TBC1D5: variants seen among roughly 807,000 people sequenced by gnomAD.
TBC1D5 encodes TBC1 domain family, member 5.
A neutral mutation model predicts 100.3 loss-of-function variants in TBC1D5; 75 were observed. The observed-to-expected ratio is 0.75, with a 90% confidence interval of 0.62 to 0.91. The LOEUF is 0.91. Ranked by LOEUF, TBC1D5 falls within the 40% of genes least tolerant of loss-of-function variation. The pLI, the probability that TBC1D5 is intolerant of heterozygous loss-of-function variation, is 0.00. For synonymous variants in TBC1D5, 323 were observed against 325.6 expected, an observed-to-expected ratio of 0.99 and a Z score of 0.09; for missense variants, 910 against 942.4, an observed-to-expected ratio of 0.97 and a Z score of 0.45.
At chr3:17,345,556 C>T (rs1244400413) in intron 13 of TBC1D5, among the ~76,000 whole-genome samples, 1 of 151,956 alleles carries the variant, frequency 6.6e-6, no homozygotes, top group Non-Finnish European at 1.5e-5. Flanking sequence ...TTGACCCAGC[C>T]ATCCCATTAC....
chr3:17,444,612 T>C lies in TBC1D5; in HGVS notation c.98-16093A>G, dbSNP rs566542350. On this transcript the variant is annotated intron_variant, in intron 3 of 21. Transcript: ENST00000253692. The stretch of plus-strand genomic sequence containing the variant: ...GGCTGCCTTTAGAGAAATAAATTGG[T>C]TGATCAAAAAGTATTAACAAAACCA... Among the ~76,000 whole-genome samples the C allele has an allele frequency of 1.8e-4, 27 of 152,172 alleles. No individual in the cohort carries two copies. In the South Asian group the frequency reaches 5.4e-3, roughly 30 times the overall value.
At chr3:17,627,486 A>G (rs2063151674) in intron 1 of TBC1D5, among the ~76,000 whole-genome samples, 1 of 152,220 alleles carries the variant, frequency 6.6e-6, no homozygotes, top group African/African-American at 2.4e-5. Context: ...GAAATTAACT[A>G]AAGTCAAATA....
intron 1 of TBC1D5, among the ~76,000 whole-genome samples, chr3:17,670,196 T>C (rs527418608): frequency 1.3e-5 from 2 of 152,292 alleles, no homozygotes; most frequent in Non-Finnish European, 2.9e-5. Context: ...CCAGACTGTC[T>C]TATGTTTTTA....
At chr3:17,663,028 A>G (rs533637242) in intron 1 of TBC1D5, 9 of 152,264 alleles carry the variant, frequency 5.9e-5, no homozygotes, top group African/African-American at 1.9e-4. Flanking sequence ...AGAAGCTGAG[A>G]CTCAAGGTCG....
intron 1 of TBC1D5, among the ~76,000 whole-genome samples, chr3:17,674,862 G>A (rs758477672): frequency 7.2e-5 from 11 of 151,934 alleles, no homozygotes; most frequent in Non-Finnish European, 1.5e-4. Flanking sequence ...GAGTTCATTT[G>A]AGTGAAAAAA....
chr3:17,310,532 G>T (rs868677973), intron 13 of TBC1D5, among the ~76,000 whole-genome samples: 1 of 151,918 alleles, frequency 6.6e-6, no homozygotes, highest in Non-Finnish European at 1.5e-5. Flanking sequence ...AAAGTTCTTT[G>T]TAAAGACCTC....
At chr3:17,296,805 G>A (rs1457722656) in intron 14 of TBC1D5, among the ~76,000 whole-genome samples, 1 of 152,104 alleles carries the variant, frequency 6.6e-6, no homozygotes, top group African/African-American at 2.4e-5. Flanking sequence ...GATACTCTTT[G>A]GTAAGTCCTT....
chr3:17,271,343 T>A (rs556328585), intron 15 of TBC1D5, among the ~76,000 whole-genome samples: 2 of 152,306 alleles, frequency 1.3e-5, no homozygotes, highest in South Asian at 4.1e-4. Flanking sequence ...CTTGGGAAGA[T>A]GTACTCCTAG....
intron 2 of TBC1D5, among the ~76,000 whole-genome samples, chr3:17,553,381 T>C (rs1334520283): frequency 1.3e-5 from 2 of 152,180 alleles, no homozygotes; most frequent in African/African-American, 2.4e-5. Context: ...AAAGACCAGC[T>C]TTCCCTCCAC....
intron 3 of TBC1D5, among the ~76,000 whole-genome samples, chr3:17,490,371 T>C (rs1381164529): frequency 6.6e-6 from 1 of 152,228 alleles, no homozygotes; most frequent in Non-Finnish European, 1.5e-5. Context: ...TTGCTTTTGT[T>C]GCAATTGCTT....
At chr3:17,408,984 G>T (rs576928793) in intron 4 of TBC1D5, among the ~76,000 whole-genome samples, 1 of 152,104 alleles carries the variant, frequency 6.6e-6, no homozygotes, top group East Asian at 1.9e-4. Context: ...CATATATACT[G>T]ATATCTCATA....
Position 17,477,362 on chromosome 3 carries a change from G to A in TBC1D5, c.97+31112C>T, listed in dbSNP as rs74745571. ...TTTCATAATGCTCTTGACTGATATT[G>A]TTACAAAGGTTATACCAGTCACGTA... On this transcript the variant is annotated intron_variant, in intron 3 of 21. Coordinates refer to ENST00000253692, the Ensembl canonical transcript of TBC1D5. 4.8e-3 allele frequency among the ~76,000 whole-genome samples: 730 copies of A among 151,972 alleles called. 3 individuals carry two copies. Among genetic ancestry groups the A allele is most frequent in the African/African-American group, 0.016 (680 of 41,510 alleles).
chr3:17,174,522 T>A (rs2067500997), intron 19 of TBC1D5, among the ~76,000 whole-genome samples: 1 of 152,170 alleles, frequency 6.6e-6, no homozygotes, highest in Non-Finnish European at 1.5e-5. Flanking sequence ...AACTTTTACA[T>A]ATACATTGAA....
At chr3:17,177,776 G>A (rs1020149786) in intron 19 of TBC1D5, among the ~76,000 whole-genome samples, 3 of 152,020 alleles carry the variant, frequency 2.0e-5, no homozygotes, top group African/African-American at 7.2e-5. Flanking sequence ...TACTTAGTAG[G>A]TGTATATATT....
At chr3:17,533,462 T>C (rs1196879148) in intron 2 of TBC1D5, among the ~76,000 whole-genome samples, 3 of 152,136 alleles carry the variant, frequency 2.0e-5, no homozygotes, top group Non-Finnish European at 4.4e-5. Flanking sequence ...AACATGTGAA[T>C]GAGCTGGGGA....
chr3:17,366,245 T>C (rs1179378765), intron 13 of TBC1D5, among the ~76,000 whole-genome samples: 2 of 151,422 alleles, frequency 1.3e-5, no homozygotes, highest in Non-Finnish European at 2.9e-5. Context: ...TGAGCTGAGA[T>C]CACACCGCTG....
At chr3:17,328,109 A>C (rs1354338529) in intron 13 of TBC1D5, among the ~76,000 whole-genome samples, 1 of 151,874 alleles carries the variant, frequency 6.6e-6, no homozygotes, top group East Asian at 1.9e-4. Flanking sequence ...GTATCTACAA[A>C]AATTTTAAAA....
chr3:17,368,244 T>C (rs1248162608), intron 13 of TBC1D5, among the ~76,000 whole-genome samples: 8 of 152,194 alleles, frequency 5.3e-5, no homozygotes, highest in Admixed American at 2.6e-4. Flanking sequence ...TAATTTAGAA[T>C]GAGATTATCA....
rs1477608336 is a variant in TBC1D5 at position 17,376,519 on chromosome 3, A to AG, written c.701+5_701+6insC. ...AAATGGAGCTCATATTAAAAAAAAA[A>AG]CTTGCCTGGGCTGTGCAGACTCACT... On this transcript the variant is annotated splice_donor_region_variant and intron_variant, in intron 10 of 21. Coordinates refer to ENST00000253692, the Ensembl canonical transcript of TBC1D5. 6.3e-7 allele frequency: 1 copy of AG among 1,587,796 alleles called. No individual in the cohort carries two copies. Among genetic ancestry groups the AG allele is most frequent in the Non-Finnish European group, 8.5e-7 (1 of 1,172,770 alleles).
Sources: gnomAD v4.1 joint callset for allele counts (sites outside exome capture counted in the v4.1 genomes callset) on GRCh38, gnomAD v4.1.1 for gene constraint, MANE v1.5 for transcripts, NCBI Gene and HGNC (gene_info 2026-07-23, HGNC 2026-07-21) for gene names.